CCSER2: variants seen among roughly 807,000 people sequenced by gnomAD.
The protein encoded by CCSER2 is serine-rich coiled-coil domain-containing protein 2.
A neutral mutation model predicts 92.3 loss-of-function variants in CCSER2; 46 were observed. That is an observed-to-expected ratio of 0.50 (90% CI 0.39 to 0.64). The LOEUF (loss-of-function observed/expected upper bound fraction) is 0.64. CCSER2 is among the 30% of genes least tolerant of loss of function. CCSER2 has a pLI of 0.00. For synonymous variants in CCSER2, 433 were observed against 431.4 expected, an observed-to-expected ratio of 1.00 and a Z score of -0.04; for missense variants, 1,244 against 1,238.9, an observed-to-expected ratio of 1.00 and a Z score of -0.06.
intron 3 of CCSER2, among the ~76,000 whole-genome samples, chr10:84,413,197 G>A (rs1842740505): frequency 6.6e-6 from 1 of 150,982 alleles, no homozygotes; most frequent in Non-Finnish European, 1.5e-5. Context: ...CTCACTTTGG[G>A]GTTGGTTTGC....
chr10:84,350,915 T>C (rs2133067637), intron 1 of CCSER2, among the ~76,000 whole-genome samples: 1 of 152,342 alleles, frequency 6.6e-6, no homozygotes. Context: ...TTTGTATCCC[T>C]TTTGCCAGGG....
At chr10:84,368,464 C>G (rs1362397421) in intron 1 of CCSER2, among the ~76,000 whole-genome samples, 1 of 151,732 alleles carries the variant, frequency 6.6e-6, no homozygotes, top group Non-Finnish European at 1.5e-5. Flanking sequence ...TTTTTTCACT[C>G]TATACTTGAA....
chr10:84,329,110 C>CT (rs1372084715), intron 1 of CCSER2, among the ~76,000 whole-genome samples: 4 of 152,118 alleles, frequency 2.6e-5, no homozygotes, highest in Non-Finnish European at 4.4e-5. Context: ...CTGAGGCACT[C>CT]TGATTTCGGA....
At chr10:84,500,781 T>C (rs1311487366) in intron 9 of CCSER2, among the ~76,000 whole-genome samples, 1 of 152,240 alleles carries the variant, frequency 6.6e-6, no homozygotes, top group Non-Finnish European at 1.5e-5. Flanking sequence ...TCTCCAAGGA[T>C]TTATCATGAT....
At chr10:84,426,150 T>G (rs1564650616) in intron 5 of CCSER2, among the ~76,000 whole-genome samples, 1 of 152,212 alleles carries the variant, frequency 6.6e-6, no homozygotes. Flanking sequence ...CAAGTTATGG[T>G]ATGATTTTCT....
chr10:84,391,890 TG>T, intron 3 of CCSER2: 2 of 1,358,144 alleles, frequency 1.5e-6, no homozygotes, highest in Middle Eastern at 5.1e-4. Context: ...GTGATGCTGT[TG>T]CATCATGGAT....
chr10:84,329,786 G>A (rs1564569791), intron 1 of CCSER2, among the ~76,000 whole-genome samples: 1 of 152,206 alleles, frequency 6.6e-6, no homozygotes, highest in Non-Finnish European at 1.5e-5. Flanking sequence ...TGATAAAAAT[G>A]TAAATATTCC....
At chr10:84,338,135 C>T (rs138299799) in intron 1 of CCSER2, among the ~76,000 whole-genome samples, 19 of 151,824 alleles carry the variant, frequency 1.3e-4, no homozygotes, top group South Asian at 2.1e-4. Context: ...CAGAATTAGC[C>T]GGGCATGGTG....
intron 9 of CCSER2, among the ~76,000 whole-genome samples, chr10:84,503,187 A>G (rs1245475850): frequency 6.6e-6 from 1 of 152,126 alleles, no homozygotes; most frequent in Non-Finnish European, 1.5e-5. Flanking sequence ...AGATCGCACC[A>G]CTGTACTCCG....
At chr10:84,422,791 A>G (rs1289393592) in intron 4 of CCSER2, among the ~76,000 whole-genome samples, 2 of 152,160 alleles carry the variant, frequency 1.3e-5, no homozygotes, top group Non-Finnish European at 2.9e-5. Flanking sequence ...GCGGTGGCTC[A>G]CGCATGTAAT....
At chr10:84,413,420 G>A (rs1317408144) in intron 3 of CCSER2, among the ~76,000 whole-genome samples, 1 of 152,176 alleles carries the variant, frequency 6.6e-6, no homozygotes, top group Admixed American at 6.5e-5. Flanking sequence ...AGTCATTCAG[G>A]AGATGGTTGT....
Position 84,514,367 on chromosome 10 carries a change from T to G in CCSER2, c.*100T>G. 3.7e-6 allele frequency: 3 copies of G among 806,672 alleles called. No individual in the cohort carries two copies. Among genetic ancestry groups the G allele is most frequent in the Middle Eastern group, 5.8e-4 (2 of 3,450 alleles). 50.0% of individuals were successfully genotyped at this position (806,672 alleles called of 1,614,324 possible). ...CTTGCTACTGTGGTGGAGGTTCCATTGAAAGCCTGCAAATCTTAAATTAAA... is the reference window on the plus strand; with the variant it reads ...CTTGCTACTGTGGTGGAGGTTCCATGGAAAGCCTGCAAATCTTAAATTAAA... On this transcript the variant is annotated 3_prime_UTR_variant, in exon 10 of 10. Coordinates refer to ENST00000372088, the MANE Select transcript of CCSER2 (RefSeq NM_001284240.2).
intron 5 of CCSER2, among the ~76,000 whole-genome samples, chr10:84,434,878 C>T (rs1299028272): frequency 6.6e-6 from 1 of 152,100 alleles, no homozygotes; most frequent in Non-Finnish European, 1.5e-5. Flanking sequence ...TGAATTTGGA[C>T]TCAGATCATC....
At chr10:84,470,325 A>G (rs1846712175) in intron 7 of CCSER2, 47 bp from the exon 8 acceptor site, 3 of 1,041,112 alleles carry the variant, frequency 2.9e-6, no homozygotes, top group African/African-American at 1.7e-5. Context: ...CATGCCTCTC[A>G]TTATGGTATT....
intron 5 of CCSER2, among the ~76,000 whole-genome samples, chr10:84,435,372 A>G (rs960168354): frequency 1.3e-5 from 2 of 152,210 alleles, no homozygotes; most frequent in Non-Finnish European, 2.9e-5. Flanking sequence ...CATTTGGATC[A>G]CATTTATGTC....
At position 84,344,433 on chromosome 10, in the gene CCSER2, T is replaced by G. The variant is rs375315073; in HGVS notation, c.-40+15625T>G. Among the ~76,000 whole-genome samples, 18 of 152,332 alleles carry G rather than the reference T, an allele frequency of 1.2e-4. No homozygotes were observed. The East Asian group carries it at 3.1e-3, about 26-fold the overall frequency. On this transcript the variant is annotated intron_variant, in intron 1 of 9. Coordinates refer to ENST00000372088, the MANE Select transcript of CCSER2 (RefSeq NM_001284240.2). The stretch of plus-strand genomic sequence containing the variant: ...TATCTTTTGAATATATGTTTCTTTA[T>G]TGTTGATCTTTATTTACCTCTGATG...
At chr10:84,430,404 G>C (rs1445691492) in intron 5 of CCSER2, among the ~76,000 whole-genome samples, 4 of 152,058 alleles carry the variant, frequency 2.6e-5, no homozygotes, top group Non-Finnish European at 5.9e-5. Context: ...TATGATTTTT[G>C]GTCAGCTTCT....
intron 3 of CCSER2, among the ~76,000 whole-genome samples, chr10:84,405,613 G>A (rs2133336062): frequency 6.6e-6 from 1 of 152,246 alleles, no homozygotes; most frequent in South Asian, 2.1e-4. Flanking sequence ...TCAGCAATAA[G>A]TAAGTAGACA....
At chr10:84,396,514 C>A (rs1280317252) in intron 3 of CCSER2, among the ~76,000 whole-genome samples, 2 of 151,824 alleles carry the variant, frequency 1.3e-5, no homozygotes, top group Non-Finnish European at 2.9e-5. Flanking sequence ...CTTTTAGGTT[C>A]ATTTGTTGCT....
Sources: gnomAD v4.1 joint callset for allele counts (sites outside exome capture counted in the v4.1 genomes callset) on GRCh38, gnomAD v4.1.1 for gene constraint, MANE v1.5 for transcripts, NCBI Gene and HGNC (gene_info 2026-07-23, HGNC 2026-07-21) for gene names.